The following ST6GALNAC3 variants were observed in gnomAD, a reference collection of about 807,000 sequenced individuals.
ST6GALNAC3 encodes the protein alpha-N-acetylgalactosaminide alpha-2,6-sialyltransferase 3.
Under a neutral mutation model 32.7 loss-of-function variants are expected in ST6GALNAC3, and 25 were observed. That is an observed-to-expected ratio of 0.76 (90% CI 0.56 to 1.07). The LOEUF is 1.07. Ranked by LOEUF, ST6GALNAC3 falls within the 50% of genes least tolerant of loss-of-function variation. The pLI is 0.00. For synonymous variants in ST6GALNAC3, 129 were observed against 133.1 expected (o/e 0.97, Z 0.21); for missense variants, 355 against 382.4 (o/e 0.93, Z 0.60).
intron 3 of ST6GALNAC3, among the ~76,000 whole-genome samples, chr1:76,532,304 C>T (rs1469555925): frequency 6.6e-6 from 1 of 152,168 alleles, no homozygotes; most frequent in African/African-American, 2.4e-5. Flanking sequence ...CAAATCACGT[C>T]CACCATGTGG....
intron 1 of ST6GALNAC3, among the ~76,000 whole-genome samples, chr1:76,262,875 A>G (rs997674678): frequency 6.6e-6 from 1 of 152,012 alleles, no homozygotes; most frequent in East Asian, 1.9e-4. Context: ...GTATTTCACA[A>G]CCTCTTGGAT....
intron 1 of ST6GALNAC3, among the ~76,000 whole-genome samples, chr1:76,267,543 T>C (rs1410800889): frequency 6.6e-6 from 1 of 152,250 alleles, no homozygotes; most frequent in Non-Finnish European, 1.5e-5. Flanking sequence ...ATTTTTTTGA[T>C]AAATATATTT....
At chr1:76,555,906 C>T (rs315056) in intron 3 of ST6GALNAC3, among the ~76,000 whole-genome samples, 9,243 of 152,068 alleles carry the variant, frequency 0.061, 958 homozygotes, top group African/African-American at 0.21. Context: ...ATACAACTCA[C>T]CCATTTAAGG....
At chr1:76,510,486 A>C (rs1420458464) in intron 3 of ST6GALNAC3, among the ~76,000 whole-genome samples, 1 of 152,214 alleles carries the variant, frequency 6.6e-6, no homozygotes, top group Non-Finnish European at 1.5e-5. Flanking sequence ...GTATGGAACC[A>C]GAGAGACGGA....
At chr1:76,110,651 T>C (rs1003101276) in intron 1 of ST6GALNAC3, among the ~76,000 whole-genome samples, 6 of 152,244 alleles carry the variant, frequency 3.9e-5, no homozygotes, top group African/African-American at 1.4e-4. Context: ...AGGAGCAGGC[T>C]GTGTAGACAG....
chr1:76,147,864 C>A (rs1052653390), intron 1 of ST6GALNAC3, among the ~76,000 whole-genome samples: 4 of 152,122 alleles, frequency 2.6e-5, no homozygotes, highest in African/African-American at 9.7e-5. Context: ...TCTCTCTTCA[C>A]CCCTCAGAGC....
At chr1:76,461,984 G>T (rs1381815799) in intron 3 of ST6GALNAC3, among the ~76,000 whole-genome samples, 1 of 152,058 alleles carries the variant, frequency 6.6e-6, no homozygotes, top group African/African-American at 2.4e-5. Context: ...CTTCAGCATG[G>T]TCTCCTCTGG....
Position 76,429,388 on chromosome 1 carries a change from T to G in ST6GALNAC3, c.623+16971T>G, listed in dbSNP as rs182971288. Among the ~76,000 whole-genome samples the G allele has an allele frequency of 1.8e-4, 27 of 152,294 alleles. No individual in the cohort carries two copies. In the East Asian group the frequency reaches 3.3e-3, roughly 19 times the overall value. On this transcript the variant is annotated intron_variant, in intron 3 of 4. Coordinates refer to ENST00000328299, the MANE Select transcript of ST6GALNAC3 (RefSeq NM_152996.4). ...CTAGAAATTTATAAATTTCTTAGCC[T>G]GGGCATAGCACATGGTGCTAGTATT...
At chr1:76,624,942 G>C (rs369236883) in intron 3 of ST6GALNAC3, among the ~76,000 whole-genome samples, 19 of 152,066 alleles carry the variant, frequency 1.2e-4, no homozygotes, top group African/African-American at 3.1e-4. Context: ...AATATGCATA[G>C]AGCATGGTAC....
intron 2 of ST6GALNAC3, among the ~76,000 whole-genome samples, chr1:76,389,012 C>CTTT (rs371619828): frequency 0.26 from 33,061 of 126,962 alleles, 5,669 homozygotes; most frequent in East Asian, 0.6. Context: ...GGTATATTTC[C>CTTT]TTTTTTTTTT....
At chr1:76,206,713 T>C (rs997794357) in intron 1 of ST6GALNAC3, among the ~76,000 whole-genome samples, 3 of 151,682 alleles carry the variant, frequency 2.0e-5, no homozygotes, top group African/African-American at 7.3e-5. Flanking sequence ...AGCCTGGCGA[T>C]AGAGCGAGAC....
In ST6GALNAC3 at chr1:76,365,394, T is replaced by C. The variant is rs142970080; in HGVS notation, c.214-46614T>C. 2.2e-4 allele frequency among the ~76,000 whole-genome samples: 34 copies of C among 152,318 alleles called. No homozygotes were observed. The South Asian group carries it at 3.1e-3, about 14-fold the overall frequency. On this transcript the variant is annotated intron_variant, in intron 2 of 4. Coordinates refer to ENST00000328299, the MANE Select transcript of ST6GALNAC3 (RefSeq NM_152996.4). ...GGTACAGTGTTCACTATTTGAGTGATGGGTACACAAGAAACCCAAACTCCA... is the reference window on the plus strand; with the variant it reads ...GGTACAGTGTTCACTATTTGAGTGACGGGTACACAAGAAACCCAAACTCCA...
intron 1 of ST6GALNAC3, among the ~76,000 whole-genome samples, chr1:76,157,803 A>G (rs1415755836): frequency 6.6e-6 from 1 of 152,200 alleles, no homozygotes; most frequent in Non-Finnish European, 1.5e-5. Flanking sequence ...CCATTTAACT[A>G]TCCTCCATAC....
chr1:76,635,673 A>T (rs563735646), downstream of ST6GALNAC3, among the ~76,000 whole-genome samples: 113 of 152,312 alleles, frequency 7.4e-4, no homozygotes, highest in African/African-American at 2.7e-3. Context: ...TAAATTCTAC[A>T]TAGATGCTCC....
At chr1:76,456,370 G>A (rs183702492) in intron 3 of ST6GALNAC3, among the ~76,000 whole-genome samples, 16 of 150,026 alleles carry the variant, frequency 1.1e-4, no homozygotes, top group South Asian at 2.1e-4. Flanking sequence ...TTTTTGAGTC[G>A]GAGTCTCATT....
At chr1:76,636,334 C>T (rs578134631), downstream of ST6GALNAC3, among the ~76,000 whole-genome samples, 3 of 152,180 alleles carry the variant, frequency 2.0e-5, no homozygotes, top group Admixed American at 1.3e-4. Flanking sequence ...TCTGATCAAC[C>T]GCTTGTTTTT....
chr1:76,142,269 T>C (rs1452158912), intron 1 of ST6GALNAC3, among the ~76,000 whole-genome samples: 1 of 152,190 alleles, frequency 6.6e-6, no homozygotes, highest in East Asian at 1.9e-4. Flanking sequence ...GTTTACAACA[T>C]CAGCGGCTTA....
At chr1:76,102,558 A>G (rs556412527) in intron 1 of ST6GALNAC3, among the ~76,000 whole-genome samples, 4 of 151,582 alleles carry the variant, frequency 2.6e-5, no homozygotes, top group South Asian at 2.1e-4. Flanking sequence ...TTATTTGTCT[A>G]TTACCTTGGA....
intron 3 of ST6GALNAC3, among the ~76,000 whole-genome samples, chr1:76,499,295 C>T (rs1457455059): frequency 6.6e-6 from 1 of 152,106 alleles, no homozygotes; most frequent in Non-Finnish European, 1.5e-5. Context: ...TTTATTGTAA[C>T]CTATTAGTAA....
Sources: allele counts gnomAD v4.1 joint callset (sites outside exome capture counted in the v4.1 genomes callset), GRCh38; gene constraint gnomAD v4.1.1; transcripts MANE v1.5; gene names NCBI Gene and HGNC (gene_info 2026-07-23, HGNC 2026-07-21).